The following GANC variants were observed in gnomAD, a reference collection of about 807,000 sequenced individuals.
The protein encoded by GANC is neutral alpha-glucosidase C.
A neutral mutation model predicts 124.2 loss-of-function variants in GANC; 117 were observed. The ratio of observed to expected loss-of-function variants is 0.94; its 90% CI spans 0.81 to 1.10. GANC has a LOEUF of 1.10. Ranked by LOEUF, GANC falls within the 50% of genes least tolerant of loss-of-function variation. GANC has a pLI of 0.00. For missense variants in GANC, 1,140 were observed against 1,095.0 expected (o/e 1.04, Z -0.58); for synonymous variants, 377 against 376.8 (o/e 1.00, Z -0.01).
chr15:42,305,430 T>C (rs1006496995), intron 6 of GANC, among the ~76,000 whole-genome samples: 9 of 152,110 alleles, frequency 5.9e-5, no homozygotes, highest in African/African-American at 2.2e-4. Flanking sequence ...ATGGCAGTGA[T>C]TAAAAAGTCA....
At chr15:42,288,573 A>G (rs1432408803) in intron 4 of GANC, among the ~76,000 whole-genome samples, 1 of 152,242 alleles carries the variant, frequency 6.6e-6, no homozygotes, top group East Asian at 1.9e-4. Context: ...TAAAAGGTCA[A>G]TACATTATAA....
At chr15:42,351,107 A>C (rs1261179693) in intron 22 of GANC, among the ~76,000 whole-genome samples, 1 of 151,566 alleles carries the variant, frequency 6.6e-6, no homozygotes, top group Non-Finnish European at 1.5e-5. Flanking sequence ...CCTGGCCTCA[A>C]GTGATCTGCC....
chr15:42,339,654 T>G lies in GANC; in HGVS notation c.1844-15T>G, dbSNP rs769396933. The G allele has an allele frequency of 3.1e-6, 5 of 1,608,206 alleles. No homozygotes were observed. Among genetic ancestry groups the G allele is most frequent in the East Asian group, 2.2e-5 (1 of 44,780 alleles). On this transcript the variant is annotated splice_polypyrimidine_tract_variant and intron_variant, in intron 16 of 23. Transcript: ENST00000318010. Reference sequence around the variant, plus strand: ...CAAAGCTTGGTTGCCTCACTTGGCCTTCTTTTGCTTCCAGCTGACATAGGC... The same window carrying G: ...CAAAGCTTGGTTGCCTCACTTGGCCGTCTTTTGCTTCCAGCTGACATAGGC...
chr15:42,281,104 A>G (rs188754646), intron 3 of GANC: 2 of 702,630 alleles, frequency 2.8e-6, no homozygotes, highest in Non-Finnish European at 5.2e-6. Flanking sequence ...GAGAACTTTG[A>G]GGACCTCTTG....
At chr15:42,302,475 A>G (rs2051955250) in intron 6 of GANC, among the ~76,000 whole-genome samples, 2 of 152,240 alleles carry the variant, frequency 1.3e-5, no homozygotes, top group African/African-American at 4.8e-5. Flanking sequence ...CTCAACAGCA[A>G]GTGAACAAAA....
chr15:42,274,552 C>A, intron 1 of GANC, 42 bp downstream of exon 1: 3 of 1,570,122 alleles, frequency 1.9e-6, no homozygotes, highest in South Asian at 2.4e-5. Context: ...CCCAGGGTCC[C>A]TAGAAACAGG....
At chr15:42,309,902 C>G (rs147340540) in intron 8 of GANC, among the ~76,000 whole-genome samples, 1 of 152,078 alleles carries the variant, frequency 6.6e-6, no homozygotes, top group Non-Finnish European at 1.5e-5. Flanking sequence ...CACCTGTATT[C>G]CCCGCTACTT....
In GANC at chr15:42,339,751, C is replaced by A; in HGVS notation, c.1926C>A (p.Phe642Leu). 1.9e-6 allele frequency: 3 copies of A among 1,614,182 alleles called. No individual in the cohort carries two copies. Among genetic ancestry groups the A allele is most frequent in the African/African-American group, 1.3e-5 (1 of 75,060 alleles). The change falls in exon 17 of 24, where the codon TTC becomes TTA. Residue 642 changes from phenylalanine (F) to leucine (L), a missense_variant. Physicochemically the swap from Phe to Leu is conservative, Grantham distance 22 (BLOSUM62 0). Coordinates refer to ENST00000318010, the MANE Select transcript of GANC (RefSeq NM_198141.3). ...AGGCTGGAGCCTACCAGCCCTTCTT[C>A]CGTGGCCATGCCACCATGAACACCA... Reference protein sequence around the residue: ...WYQAGAYQPFFRGHATMNTKR... With the variant: ...WYQAGAYQPFLRGHATMNTKR...
intron 1 of GANC, among the ~76,000 whole-genome samples, chr15:42,275,233 A>G (rs1317695668): frequency 6.6e-6 from 1 of 152,050 alleles, no homozygotes; most frequent in Admixed American, 6.6e-5. Context: ...AGTTAGCCAG[A>G]CGTGGTGATG....
intron 19 of GANC, chr15:42,344,753 C>A (rs373634985): frequency 4.6e-5 from 7 of 152,310 alleles, no homozygotes; most frequent in African/African-American, 1.4e-4. Context: ...AGGTTAAATG[C>A]AACAACTGCT....
At chr15:42,293,380 AT>A (rs1465421954) in intron 5 of GANC, among the ~76,000 whole-genome samples, 2 of 152,164 alleles carry the variant, frequency 1.3e-5, no homozygotes, top group Non-Finnish European at 2.9e-5. Flanking sequence ...GGAGATTCTT[AT>A]TCCATTCTTA....
At position 42,283,992 on chromosome 15, in the gene GANC, A is replaced by G. The variant is rs1229055166; in HGVS notation, c.202-3699A>G. The G allele has an allele frequency of 5.0e-5, 35 of 702,468 alleles. No individual in the cohort carries two copies. The East Asian group carries it at 9.1e-4, about 18-fold the overall frequency. The allele number at this position is 702,468 out of a possible 1,614,324, so 43.5% of individuals were successfully genotyped here. ...GTAGAAGGGACAATTAGTGTCCTAC[A>G]GCAATTTAATGAACTATTAGACCAT... is the stretch of plus-strand genomic sequence containing the variant. On this transcript the variant is annotated intron_variant, in intron 3 of 23. Transcript: ENST00000318010.
chr15:42,310,744 C>T lies in GANC; in HGVS notation c.955C>T (p.Arg319Cys), dbSNP rs752273058. ...TGCTGCTAAACAAAAGGTCAGATCT[C>T]GCACTCATGTGCACTGGATGTCAGA... ...PVAAKQKVRS[R>C]THVHWMSESG... Residue 319 changes from arginine to cysteine, a missense_variant, in exon 10 of 24, where the codon CGC becomes TGC. By Grantham distance (180) the Arg-to-Cys change is radical (BLOSUM62 -3). Coordinates refer to ENST00000318010, the MANE Select transcript of GANC (RefSeq NM_198141.3). 8.1e-6 allele frequency: 13 copies of T among 1,613,978 alleles called. No individual in the cohort carries two copies. Among genetic ancestry groups the T allele is most frequent in the South Asian group, 5.5e-5 (5 of 91,094 alleles).
chr15:42,277,300 G>A lies in GANC; in HGVS notation c.92+890G>A, dbSNP rs1027460714. Among the ~76,000 whole-genome samples, 8 of 152,150 alleles carry A rather than the reference G, an allele frequency of 5.3e-5. 1 individual carries two copies. The highest frequency in any genetic ancestry group is 3.9e-4 in the Admixed American group (6 of 15,286). On this transcript the variant is annotated intron_variant, in intron 2 of 23. Transcript: ENST00000318010. ...AATCCCAGCACTTCGGGAGGCCAAG[G>A]CAGGCGGATCACCTGAGGTTGGGAG...
intron 6 of GANC, among the ~76,000 whole-genome samples, chr15:42,305,862 A>T (rs918483658): frequency 5.3e-5 from 8 of 150,656 alleles, no homozygotes; most frequent in African/African-American, 2.0e-4. Flanking sequence ...CAAACACCAC[A>T]TGTTCTCACT....
At chr15:42,342,804 T>A (rs960948864) in intron 18 of GANC, among the ~76,000 whole-genome samples, 1 of 152,186 alleles carries the variant, frequency 6.6e-6, no homozygotes, top group African/African-American at 2.4e-5. Context: ...ATGAGACCGA[T>A]GGACTGTGTC....
At chr15:42,301,475 A>C (rs2051945613) in intron 6 of GANC, among the ~76,000 whole-genome samples, 1 of 151,278 alleles carries the variant, frequency 6.6e-6, no homozygotes, top group African/African-American at 2.4e-5. Context: ...TTCATACCCC[A>C]GTGGCGCCTG....
At chr15:42,339,305 A>AACACACACACACACACACAC (rs60116980) in intron 16 of GANC, among the ~76,000 whole-genome samples, 4 of 119,250 alleles carry the variant, frequency 3.4e-5, no homozygotes, top group African/African-American at 1.3e-4. Flanking sequence ...ACCCCCCTCC[A>AACACACACACACACACACAC]ACACACACAC....
intron 13 of GANC, 151 bp from the exon 14 acceptor site, chr15:42,329,155 T>C: frequency 5.4e-6 from 4 of 735,876 alleles, no homozygotes; most frequent in Non-Finnish European, 8.8e-6. Flanking sequence ...ACAGACAAAA[T>C]GTTGTTCCCT....
Sources: allele counts gnomAD v4.1 joint callset (sites outside exome capture counted in the v4.1 genomes callset), GRCh38; gene constraint gnomAD v4.1.1; transcripts MANE v1.5; gene names NCBI Gene and HGNC (gene_info 2026-07-23, HGNC 2026-07-21).